Variants in CPXM2 observed in about 807,000 individuals in gnomAD.
CPXM2 encodes the protein inactive carboxypeptidase-like protein X2.
Under a neutral mutation model 86.1 loss-of-function variants are expected in CPXM2, and 66 were observed. That is an observed-to-expected ratio of 0.77 (90% confidence interval 0.63 to 0.94). The LOEUF (loss-of-function observed/expected upper bound fraction) is 0.94, where lower values mean the gene tolerates loss of function less well. Among genes scored for constraint, CPXM2 ranks in the 40% least tolerant of loss-of-function variants. The pLI is 0.00. For synonymous variants in CPXM2, 388 were observed against 400.2 expected, an observed-to-expected ratio of 0.97 and a Z score of 0.36; for missense variants, 948 against 1,026.3, an observed-to-expected ratio of 0.92 and a Z score of 1.04.
intron 7 of CPXM2, chr10:123,776,860 T>C (rs1846803920): frequency 6.6e-6 from 1 of 152,210 alleles, no homozygotes; most frequent in Non-Finnish European, 1.5e-5. Context: ...TTGGTTTGCA[T>C]TTGATGCTGA....
chr10:123,842,865 G>A (rs1848414966), intron 3 of CPXM2, among the ~76,000 whole-genome samples: 1 of 152,200 alleles, frequency 6.6e-6, no homozygotes, highest in Non-Finnish European at 1.5e-5. Context: ...ATCTAGGCAG[G>A]AAGAAAGATG....
At chr10:123,775,172 C>G (rs1846752576) in intron 7 of CPXM2, among the ~76,000 whole-genome samples, 1 of 152,164 alleles carries the variant, frequency 6.6e-6, no homozygotes, top group Non-Finnish European at 1.5e-5. Context: ...GAAATGAGAA[C>G]CAGTGCATCT....
upstream of CPXM2, chr10:123,940,366 T>G (rs1343110429): frequency 6.6e-6 from 1 of 152,302 alleles, no homozygotes; most frequent in Admixed American, 6.5e-5. Flanking sequence ...ACAGGACATC[T>G]CTGTCATTGT....
chr10:123,763,014 C>T (rs1050028604), intron 10 of CPXM2, among the ~76,000 whole-genome samples: 10 of 152,152 alleles, frequency 6.6e-5, no homozygotes, highest in African/African-American at 2.4e-4. Flanking sequence ...CACAGCATCA[C>T]TGTTGGTCTG....
chr10:123,787,146 C>A (rs1040749770), intron 6 of CPXM2, among the ~76,000 whole-genome samples: 1 of 152,180 alleles, frequency 6.6e-6, no homozygotes, highest in Non-Finnish European at 1.5e-5. Flanking sequence ...TCCCAGGTGG[C>A]TACAGCCAGT....
At chr10:123,863,538 A>C (rs982408569) in intron 2 of CPXM2, among the ~76,000 whole-genome samples, 1 of 152,156 alleles carries the variant, frequency 6.6e-6, no homozygotes, top group Non-Finnish European at 1.5e-5. Context: ...TCCAGGCCTG[A>C]AGGACATGAA....
chr10:123,863,275 G>C (rs1469280523), intron 2 of CPXM2, among the ~76,000 whole-genome samples: 1 of 152,174 alleles, frequency 6.6e-6, no homozygotes, highest in Non-Finnish European at 1.5e-5. Flanking sequence ...CATCCAGAAG[G>C]GGTCTCCTGA....
At chr10:123,760,761 A>C (rs1846312855) in intron 11 of CPXM2, among the ~76,000 whole-genome samples, 1 of 152,128 alleles carries the variant, frequency 6.6e-6, no homozygotes. Context: ...ACAGCTTCCT[A>C]GAGGGAGCTG....
chr10:123,871,688 G>C (rs1057514119), intron 2 of CPXM2, among the ~76,000 whole-genome samples: 5 of 152,154 alleles, frequency 3.3e-5, no homozygotes, highest in African/African-American at 1.2e-4. Flanking sequence ...AAAGCAACAA[G>C]TACTGACCTC....
chr10:123,781,024 T>TC (rs1370209259), intron 6 of CPXM2, among the ~76,000 whole-genome samples: 4 of 152,148 alleles, frequency 2.6e-5, no homozygotes, highest in African/African-American at 9.7e-5. Flanking sequence ...CAGGATGACT[T>TC]CCGTGATGTG....
Position 123,928,144 on chromosome 10 carries a change from C to T in CPXM2, n.174+11333G>A, listed in dbSNP as rs540868555. Among the ~76,000 whole-genome samples, 3 of 152,326 alleles carry T rather than the reference C, an allele frequency of 2.0e-5. No individual in the cohort carries two copies. The South Asian group carries it at 6.2e-4, about 32-fold the overall frequency. On this transcript the variant is annotated intron_variant and non_coding_transcript_variant, in intron 2 of 19. Transcript: ENST00000368854. ...GCGAGACCTTCATAGACCACAGATT[C>T]ATGCTTGGAAACTGGTTTCTTGAGT...
chr10:123,801,134 T>G (rs1228974392), intron 4 of CPXM2, among the ~76,000 whole-genome samples: 2 of 152,276 alleles, frequency 1.3e-5, no homozygotes, highest in East Asian at 3.9e-4. Flanking sequence ...GAATTGTAGC[T>G]CCCATAATCC....
At chr10:123,875,158 CAAAAT>C (rs918922790) in intron 2 of CPXM2, among the ~76,000 whole-genome samples, 14 of 152,192 alleles carry the variant, frequency 9.2e-5, no homozygotes, top group Admixed American at 4.6e-4. Context: ...ATTGGAAAAA[CAAAAT>C]AAAACTCTCC....
At chr10:123,883,134 T>C (rs557466001) in intron 1 of CPXM2, among the ~76,000 whole-genome samples, 57 of 152,338 alleles carry the variant, frequency 3.7e-4, no homozygotes, top group Non-Finnish European at 6.9e-4. Context: ...GACTCAGCTC[T>C]GGGACTCCAG....
chr10:123,769,187 T>A (rs1564759582), intron 8 of CPXM2, among the ~76,000 whole-genome samples: 1 of 152,226 alleles, frequency 6.6e-6, no homozygotes, highest in African/African-American at 2.4e-5. Flanking sequence ...TTTCTTTAGG[T>A]ATTTTCTCTT....
At chr10:123,898,405 A>AATC (rs916506928) in intron 2 of CPXM2, among the ~76,000 whole-genome samples, 7 of 152,200 alleles carry the variant, frequency 4.6e-5, no homozygotes, top group Non-Finnish European at 1.0e-4. Context: ...AGTACTCTAT[A>AATC]ATCACATCTG....
rs147613656 is a variant in CPXM2, at chr10:123,792,831, A to G, written c.889+5145T>C. Among the ~76,000 whole-genome samples the G allele has an allele frequency of 2.8e-4, 43 of 152,254 alleles. 1 individual carries two copies. Among genetic ancestry groups the G allele is most frequent in the African/African-American group, 1.0e-3 (43 of 41,544 alleles). ...CCTTCTGCAATACTCATGCACACAA[A>G]TCGGCATCAGTGGAGACTGCTGTTC... On this transcript the variant is annotated intron_variant, in intron 6 of 13. Coordinates refer to ENST00000241305, the MANE Select transcript of CPXM2 (RefSeq NM_198148.3).
chr10:123,752,932 T>C (rs1020070403), intron 13 of CPXM2, among the ~76,000 whole-genome samples: 3 of 152,052 alleles, frequency 2.0e-5, no homozygotes, highest in African/African-American at 7.2e-5. Flanking sequence ...AAACAAATCA[T>C]GAGCAGAGTA....
At chr10:123,757,184 CTCA>C (rs1444836323) in intron 12 of CPXM2, 26 bp downstream of exon 12, 1 of 1,607,590 alleles carries the variant, frequency 6.2e-7, no homozygotes, top group Admixed American at 1.7e-5. Context: ...GCTAGTCCCC[CTCA>C]TCCCAGCCAC....
Sources: allele counts gnomAD v4.1 joint callset (sites outside exome capture counted in the v4.1 genomes callset), GRCh38; gene constraint gnomAD v4.1.1; transcripts MANE v1.5; gene names NCBI Gene and HGNC (gene_info 2026-07-23, HGNC 2026-07-21).